Variants in NREP observed in about 807,000 individuals in gnomAD.
The protein encoded by NREP is neuronal regeneration related protein.
NREP carries 5 observed loss-of-function variants against 8.6 expected under a neutral mutation model. That is an observed-to-expected ratio of 0.58 (90% confidence interval 0.30 to 1.22). NREP has a LOEUF of 1.22. NREP is among the 50% of genes most tolerant of loss of function. NREP has a pLI of 0.07. For synonymous variants in NREP, 27 were observed against 28.0 expected (o/e 0.96, Z 0.11); for missense variants, 86 against 82.5 (o/e 1.04, Z -0.17).
intron 2 of NREP, among the ~76,000 whole-genome samples, chr5:111,780,248 A>G (rs1016210532): frequency 3.9e-5 from 6 of 152,228 alleles, no homozygotes; most frequent in South Asian, 2.1e-4. Context: ...AGCAGAATAC[A>G]TTAGTGGGAC....
At chr5:111,919,984 C>G (rs74963872) in intron 2 of NREP, among the ~76,000 whole-genome samples, 1 of 127,354 alleles carries the variant, frequency 7.9e-6, no homozygotes, top group Non-Finnish European at 1.7e-5. Flanking sequence ...CCCCCCCCCC[C>G]CACACACACA....
intron 2 of NREP, among the ~76,000 whole-genome samples, chr5:111,771,913 C>A (rs1751239560): frequency 1.3e-5 from 2 of 152,024 alleles, no homozygotes; most frequent in African/African-American, 4.8e-5. Flanking sequence ...AGCTAGAGAA[C>A]TGAAGCAAAA....
At chr5:111,750,654 C>G (rs1750303515) in intron 2 of NREP, among the ~76,000 whole-genome samples, 1 of 152,194 alleles carries the variant, frequency 6.6e-6, no homozygotes, top group African/African-American at 2.4e-5. Context: ...TATTGTTTTA[C>G]ATTGTTAAGT....
intron 2 of NREP, among the ~76,000 whole-genome samples, chr5:111,909,782 T>G (rs970963897): frequency 6.6e-6 from 1 of 152,150 alleles, no homozygotes; most frequent in Non-Finnish European, 1.5e-5. Context: ...TGCCAAGCTG[T>G]GTTCTCTCAG....
intron 2 of NREP, chr5:111,739,547 C>T (rs1279988563): frequency 3.3e-5 from 5 of 152,192 alleles, no homozygotes; most frequent in Admixed American, 2.0e-4. Flanking sequence ...GCTGATCCAT[C>T]TATCTAGAGT....
At chr5:111,897,150 G>A (rs1754530758) in intron 2 of NREP, among the ~76,000 whole-genome samples, 1 of 152,034 alleles carries the variant, frequency 6.6e-6, no homozygotes. Context: ...TTTTCATAAT[G>A]ATACATTTTT....
chr5:111,812,271 A>T (rs954670706), intron 2 of NREP, among the ~76,000 whole-genome samples: 4 of 151,898 alleles, frequency 2.6e-5, no homozygotes, highest in Non-Finnish European at 5.9e-5. Context: ...TGTGTGAAAG[A>T]GTGAGACCCT....
In NREP at chr5:111,776,718, T is replaced by A. The variant is rs1751369780; in HGVS notation, c.136-41211A>T. 3.3e-5 allele frequency among the ~76,000 whole-genome samples: 5 copies of A among 152,152 alleles called. No homozygotes were observed. The South Asian group carries it at 1.0e-3, about 32-fold the overall frequency. Reference sequence around the variant, plus strand: ...TTGAAGGAAAGAAGGAAGATACAAATGTGGTTTCATTTATGTGAAGCTCCA... The same window carrying A: ...TTGAAGGAAAGAAGGAAGATACAAAAGTGGTTTCATTTATGTGAAGCTCCA... On this transcript the variant is annotated intron_variant, in intron 2 of 3. Coordinates refer to the NREP transcript ENST00000395634.
intron 2 of NREP, among the ~76,000 whole-genome samples, chr5:111,831,173 G>A (rs1433322975): frequency 2.6e-5 from 4 of 152,136 alleles, no homozygotes; most frequent in Non-Finnish European, 2.9e-5. Context: ...ATCTGGAAGC[G>A]CATCTGTGGT....
chr5:111,922,418 T>A (rs1755269294), intron 2 of NREP, among the ~76,000 whole-genome samples: 1 of 152,152 alleles, frequency 6.6e-6, no homozygotes, highest in Non-Finnish European at 1.5e-5. Context: ...AGGTCCTTTA[T>A]GTTTGACATC....
At chr5:111,811,856 G>A (rs957869589) in intron 2 of NREP, among the ~76,000 whole-genome samples, 1 of 152,060 alleles carries the variant, frequency 6.6e-6, no homozygotes, top group Non-Finnish European at 1.5e-5. Flanking sequence ...CACTGATACT[G>A]AGTCCCAGAG....
rs527663815 is a variant in NREP, at chr5:111,915,747, C to G, written c.135+59527G>C. ...GTGAAATAATACTTGCTCTCCCTAC[C>G]TGTGATAAACTCCATTTTCACTGTT... On this transcript the variant is annotated intron_variant, in intron 2 of 3. Coordinates refer to the NREP transcript ENST00000395634. Among the ~76,000 whole-genome samples the G allele has an allele frequency of 2.3e-4, 35 of 152,106 alleles. 1 individual carries two copies. Among genetic ancestry groups the G allele is most frequent in the Non-Finnish European group, 3.1e-4 (21 of 68,014 alleles).
chr5:111,742,299 TTCAC>T lies in NREP; in HGVS notation c.4-6796_4-6793del, dbSNP rs557997981. Among the ~76,000 whole-genome samples the T allele has an allele frequency of 2.7e-3, 417 of 152,232 alleles. 3 individuals carry two copies. The highest frequency in any genetic ancestry group is 6.8e-3 in the Middle Eastern group (2 of 294). On this transcript the variant is annotated intron_variant, in intron 2 of 3. Transcript: ENST00000257435. ...GACTTTAATAGTGGAATCCTCTAAA[TTCAC>T]TCTGCTCATCGTGAAGCCATCTTGA...
chr5:111,966,140 T>C (rs1756638898), intron 2 of NREP, among the ~76,000 whole-genome samples: 1 of 152,196 alleles, frequency 6.6e-6, no homozygotes, highest in South Asian at 2.1e-4. Context: ...AGGAAAAGCT[T>C]ATCAAAGAGA....
intron 2 of NREP, among the ~76,000 whole-genome samples, chr5:111,768,080 A>G: frequency 6.6e-6 from 1 of 152,222 alleles, no homozygotes; most frequent in East Asian, 1.9e-4. Context: ...TGGAAAAGAA[A>G]TCTATAGGAT....
chr5:111,891,783 G>T (rs983870486), intron 2 of NREP, among the ~76,000 whole-genome samples: 1 of 152,142 alleles, frequency 6.6e-6, no homozygotes, highest in Non-Finnish European at 1.5e-5. Flanking sequence ...GCCAGATCTA[G>T]CGAGAACTCA....
At chr5:111,956,038 G>T (rs189004050) in intron 2 of NREP, among the ~76,000 whole-genome samples, 3 of 151,916 alleles carry the variant, frequency 2.0e-5, no homozygotes, top group African/African-American at 4.8e-5. Context: ...TGGAGGGCTT[G>T]TTACCCTCTC....
At chr5:111,843,816 G>C (rs1374102724) in intron 2 of NREP, among the ~76,000 whole-genome samples, 1 of 152,150 alleles carries the variant, frequency 6.6e-6, no homozygotes, top group African/African-American at 2.4e-5. Context: ...CTGGTTTCTG[G>C]GTCCACTGAG....
chr5:111,858,561 C>T (rs1249000115), intron 2 of NREP, among the ~76,000 whole-genome samples: 1 of 152,040 alleles, frequency 6.6e-6, no homozygotes, highest in African/African-American at 2.4e-5. Flanking sequence ...TGAACAGGAG[C>T]ATCGCTTCAG....
Sources: gnomAD v4.1 joint callset for allele counts (sites outside exome capture counted in the v4.1 genomes callset) on GRCh38, gnomAD v4.1.1 for gene constraint, MANE v1.5 for transcripts, NCBI Gene and HGNC (gene_info 2026-07-23, HGNC 2026-07-21) for gene names.